Variants in ITGA2 observed in about 807,000 individuals in gnomAD.
ITGA2 encodes the protein integrin alpha-2.
ITGA2 carries 101 observed loss-of-function variants against 146.3 expected under a neutral mutation model. The observed-to-expected ratio is 0.69, with a 90% CI of 0.59 to 0.81. The LOEUF (loss-of-function observed/expected upper bound fraction) is 0.81, where lower values mean the gene tolerates loss of function less well. Ranked by LOEUF, ITGA2 falls within the 40% of genes least tolerant of loss-of-function variation. ITGA2 has a pLI of 0.00. For synonymous variants in ITGA2, 477 were observed against 487.1 expected, an observed-to-expected ratio of 0.98 and a Z score of 0.27; for missense variants, 1,281 against 1,402.7, an observed-to-expected ratio of 0.91 and a Z score of 1.39.
At chr5:53,018,933 A>T (rs1298865513) in intron 1 of ITGA2, among the ~76,000 whole-genome samples, 1 of 152,028 alleles carries the variant, frequency 6.6e-6, no homozygotes, top group Admixed American at 6.6e-5. Context: ...GCGTGGTGGT[A>T]CACGCCTGTA....
At chr5:53,046,034 T>C (rs1411648221) in intron 4 of ITGA2, among the ~76,000 whole-genome samples, 2 of 150,896 alleles carry the variant, frequency 1.3e-5, no homozygotes, top group Non-Finnish European at 3.0e-5. Context: ...CTCCTAAAAA[T>C]GCAAAAATCA....
chr5:53,047,021 TG>T (rs1744125932), intron 4 of ITGA2, among the ~76,000 whole-genome samples: 1 of 152,212 alleles, frequency 6.6e-6, no homozygotes, highest in Non-Finnish European at 1.5e-5. Context: ...ATCTGTTATT[TG>T]GTAAACTAAC....
At chr5:53,009,812 C>G (rs745986600) in intron 1 of ITGA2, among the ~76,000 whole-genome samples, 2 of 152,072 alleles carry the variant, frequency 1.3e-5, no homozygotes, top group Non-Finnish European at 2.9e-5. Context: ...GTCTTCCTGC[C>G]TTGTGAGGAT....
At position 53,078,842 on chromosome 5, in the gene ITGA2, G is replaced by GAT. The variant is rs1442005082; in HGVS notation, c.2897_2898dup (p.Val967MetfsTer10). On this transcript the variant is annotated frameshift_variant, in exon 24 of 30. Transcript: ENST00000296585. LOFTEE classifies it high-confidence loss of function. ...TCCTTCAATCGTGCACAGTTTTGAA[G>GAT]ATGTTGGTCCAAAATTCATCTTCTC... is the stretch of plus-strand genomic sequence containing the variant. The GAT allele has an allele frequency of 6.2e-7, 1 of 1,610,894 alleles. No individual in the cohort carries two copies. Among genetic ancestry groups the GAT allele is most frequent in the Non-Finnish European group, 8.5e-7 (1 of 1,177,772 alleles).
At position 53,070,102 on chromosome 5, in the gene ITGA2, A is replaced by G. The variant is rs541149162; in HGVS notation, c.2084-7A>G. 36 of 1,584,196 alleles carry G rather than the reference A, an allele frequency of 2.3e-5. No homozygotes were observed. In the Middle Eastern group the frequency reaches 5.0e-4, roughly 22 times the overall value. On this transcript the variant is annotated splice_polypyrimidine_tract_variant and splice_region_variant and intron_variant, in intron 16 of 29. Coordinates refer to ENST00000296585, the MANE Select transcript of ITGA2 (RefSeq NM_002203.4). ...ATAACATTTCTTTATGATTTTTTTTATCATAGCCATTGTATATAACATCAC... is the reference window on the plus strand; with the variant it reads ...ATAACATTTCTTTATGATTTTTTTTGTCATAGCCATTGTATATAACATCAC...
intron 6 of ITGA2, among the ~76,000 whole-genome samples, chr5:53,050,117 C>G (rs139141889): frequency 2.2e-4 from 33 of 152,242 alleles, no homozygotes; most frequent in Non-Finnish European, 4.3e-4. Context: ...ATATGTATCT[C>G]CTTATTTCCT....
At position 52,994,887 on chromosome 5, in the gene ITGA2, G is replaced by A. The variant is rs116786162; in HGVS notation, c.64+5355G>A. Among the ~76,000 whole-genome samples, 1,127 of 152,230 alleles carry A rather than the reference G, an allele frequency of 7.4e-3. 10 individuals carry two copies. Among genetic ancestry groups the A allele is most frequent in the Non-Finnish European group, 0.012 (789 of 68,016 alleles). ...TGGAGAGATATCATTGTGATACATT[G>A]AAGTGTCTAGCCTCCTGAGATGTCT... On this transcript the variant is annotated intron_variant, in intron 1 of 29. Transcript: ENST00000296585.
chr5:53,094,045 T>C lies in ITGA2; in HGVS notation c.*3446T>C, dbSNP rs1032205893. On this transcript the variant is annotated 3_prime_UTR_variant, in exon 30 of 30. Transcript: ENST00000296585. ...ATACTAAAAATTATTATAAAGGTTA[T>C]AATTTTATAATGTATTTACCTGTCC... 3 of 152,640 alleles carry C rather than the reference T, an allele frequency of 2.0e-5. No homozygotes were observed. In the South Asian group the frequency reaches 6.2e-4, roughly 32 times the overall value. 9.5% of individuals were successfully genotyped at this position (152,640 alleles called of 1,614,324 possible). A position where few individuals can be genotyped will look rare whatever the true frequency, so the allele number is the denominator to read the frequency against.
chr5:53,081,901 A>G (rs1438574166), intron 26 of ITGA2, among the ~76,000 whole-genome samples: 8 of 152,226 alleles, frequency 5.3e-5, no homozygotes, highest in African/African-American at 1.7e-4. Context: ...CACCAACCTA[A>G]TATGTGGTCA....
At chr5:53,070,056 T>C (rs1260649295) in intron 16 of ITGA2, 53 bp from the exon 17 acceptor site, 2 of 1,473,748 alleles carry the variant, frequency 1.4e-6, no homozygotes, top group South Asian at 1.1e-5. Flanking sequence ...AAAGATGCTT[T>C]TTCCTATAAG....
Position 53,058,250 on chromosome 5 carries a change from G to C in ITGA2, c.1173+149G>C, listed in dbSNP as rs1169826280. 8.6e-6 allele frequency: 6 copies of C among 701,496 alleles called. No homozygotes were observed. In the African/African-American group the frequency reaches 8.8e-5, roughly 10 times the overall value. The allele number at this position is 701,496 out of a possible 1,614,324, so 43.5% of individuals were successfully genotyped here. ...GGTCATTTAGTTTCTTTGTGCTGCT[G>C]ATTTACCTCTAAAATTTGAAGGATA... On this transcript the variant is annotated intron_variant, in intron 10 of 29. Coordinates refer to ENST00000296585, the MANE Select transcript of ITGA2 (RefSeq NM_002203.4).
intron 17 of ITGA2, 58 bp downstream of exon 17, chr5:53,070,318 T>G: frequency 6.4e-7 from 1 of 1,573,714 alleles, no homozygotes; most frequent in Non-Finnish European, 8.7e-7. Context: ...GAGAGAGTGG[T>G]AAAAGTCAAA....
chr5:53,011,057 C>A (rs576638878), intron 1 of ITGA2, among the ~76,000 whole-genome samples: 1 of 152,250 alleles, frequency 6.6e-6, no homozygotes, highest in African/African-American at 2.4e-5. Flanking sequence ...TCTCTGGAGC[C>A]TGCAGAGGGA....
chr5:53,090,012 A>G lies in ITGA2; in HGVS notation c.3415A>G (p.Ile1139Val), dbSNP rs1314945772. The G allele has an allele frequency of 4.3e-6, 7 of 1,613,564 alleles. No individual in the cohort carries two copies. The highest frequency in any genetic ancestry group is 2.2e-5 in the South Asian group (2 of 91,086). Reference protein sequence around the residue: ...EVPTGVIIGSIIAGILLLLAL... With the variant: ...EVPTGVIIGSVIAGILLLLAL... ...ACCAACAGGAGTTATAATAGGAAGT[A>G]TAATTGCTGGAATCCTTTTGCTGTT... Residue 1139 changes from isoleucine (I) to valine (V), a missense_variant, in exon 29 of 30, where the codon ATA (isoleucine) becomes GTA (valine). Transcript: ENST00000296585.
intron 1 of ITGA2, among the ~76,000 whole-genome samples, chr5:53,021,422 C>G (rs952800343): frequency 6.6e-6 from 1 of 152,220 alleles, no homozygotes. Context: ...CACCTACTTA[C>G]ACACACAGAG....
chr5:53,085,156 T>A (rs937649962), intron 27 of ITGA2, among the ~76,000 whole-genome samples: 3 of 152,242 alleles, frequency 2.0e-5, no homozygotes, highest in African/African-American at 7.2e-5. Flanking sequence ...ACTTAGGAGA[T>A]CCAGTCTGAA....
intron 16 of ITGA2, among the ~76,000 whole-genome samples, chr5:53,069,346 A>C (rs1332589833): frequency 6.6e-6 from 1 of 151,870 alleles, no homozygotes; most frequent in Non-Finnish European, 1.5e-5. Context: ...AAAGAGGGTA[A>C]GTAAATTGCC....
At position 53,056,115 on chromosome 5, in the gene ITGA2, T is replaced by A. The variant is rs770155951; in HGVS notation, c.1062T>A (p.Ala354=). ...ATGAAGCAGCTCTACTAGAAAAGGC[T>A]GGGACATTAGGAGAACAAATTTTCA... ...VSDEAALLEK[A]GTLGEQIFSI... is the part of the protein sequence containing the mutation. The change falls in exon 9 of 30, where the codon GCT becomes GCA. Residue 354 remains alanine (A), a synonymous_variant. Transcript: ENST00000296585. 7 of 1,612,150 alleles carry A rather than the reference T, an allele frequency of 4.3e-6. No homozygotes were observed. In the Admixed American group the frequency reaches 1.2e-4, roughly 27 times the overall value.
At chr5:53,002,148 C>T (rs1286672549) in intron 1 of ITGA2, among the ~76,000 whole-genome samples, 1 of 151,896 alleles carries the variant, frequency 6.6e-6, no homozygotes, top group African/African-American at 2.4e-5. Context: ...TAGATTAAAA[C>T]AATATTCAAT....
Sources: allele counts gnomAD v4.1 joint callset (sites outside exome capture counted in the v4.1 genomes callset), GRCh38; gene constraint gnomAD v4.1.1; transcripts MANE v1.5; gene names NCBI Gene and HGNC (gene_info 2026-07-23, HGNC 2026-07-21).